ST7: variants seen among roughly 807,000 people sequenced by gnomAD.
ST7 encodes suppression of tumorigenicity 7, also known as suppressor of tumorigenicity 7 protein.
Under a neutral mutation model 78.7 loss-of-function variants are expected in ST7, and 28 were observed. The observed-to-expected ratio is 0.36, with a 90% confidence interval of 0.26 to 0.49. The LOEUF (loss-of-function observed/expected upper bound fraction) is 0.49, where lower values mean the gene tolerates loss of function less well. ST7 is among the 20% of genes least tolerant of loss of function. The pLI is 0.99. For synonymous variants in ST7, 247 were observed against 249.6 expected, an observed-to-expected ratio of 0.99 and a Z score of 0.10; for missense variants, 418 against 696.0, an observed-to-expected ratio of 0.60 and a Z score of 4.49.
intron 15 of ST7, among the ~76,000 whole-genome samples, chr7:117,227,340 C>T (rs1177173170): frequency 6.6e-6 from 1 of 152,168 alleles, no homozygotes; most frequent in Non-Finnish European, 1.5e-5. Flanking sequence ...AGTTCTAAAT[C>T]TGTTTTTGGC....
chr7:117,078,975 G>A (rs1486068500), intron 1 of ST7, among the ~76,000 whole-genome samples: 2 of 152,048 alleles, frequency 1.3e-5, no homozygotes, highest in Non-Finnish European at 2.9e-5. Context: ...AAATCTATGT[G>A]TTATTCATAT....
At chr7:117,159,006 C>T (rs954660710) in intron 9 of ST7, among the ~76,000 whole-genome samples, 14 of 152,286 alleles carry the variant, frequency 9.2e-5, no homozygotes, top group African/African-American at 3.4e-4. Context: ...CTTTTAGTTA[C>T]CTCTGCCTTA....
At chr7:117,061,270 G>A (rs1798340450) in intron 1 of ST7, among the ~76,000 whole-genome samples, 1 of 152,156 alleles carries the variant, frequency 6.6e-6, no homozygotes, top group Non-Finnish European at 1.5e-5. Context: ...TTTTCCTGCA[G>A]TCTTAACCAC....
Position 117,209,799 on chromosome 7 carries a change from A to G in ST7, c.1267A>G (p.Met423Val). The stretch of plus-strand genomic sequence containing the variant: ...TTTTTTATTTCAGTACCTACTAGAA[A>G]TGAAAAGCTTAATCCTACCCCCAGA... ...NPHVPKYLLE[M>V]KSLILPPEHI... The change falls in exon 13 of 16, where the codon ATG becomes GTG. Residue 423 changes from methionine (M) to valine (V), a missense_variant. Physicochemically the swap from Met to Val is conservative, Grantham distance 21. Around this residue, in one of 4 missense-constraint regions of ST7, gnomAD observed 288 missense variants for 537.1 expected, o/e 0.54. Coordinates refer to ENST00000323984, the MANE Select transcript of ST7 (RefSeq NM_001369598.1). The G allele has an allele frequency of 6.2e-7, 1 of 1,613,512 alleles. No homozygotes were observed. The highest frequency in any genetic ancestry group is 8.5e-7 in the Non-Finnish European group (1 of 1,179,854).
chr7:117,007,804 A>G (rs1201672853), intron 1 of ST7, among the ~76,000 whole-genome samples: 3 of 151,684 alleles, frequency 2.0e-5, no homozygotes, highest in Non-Finnish European at 4.4e-5. Flanking sequence ...CCATTAAACA[A>G]CTCCCCATTT....
At chr7:117,017,876 A>C (rs947064825) in intron 1 of ST7, among the ~76,000 whole-genome samples, 2 of 152,170 alleles carry the variant, frequency 1.3e-5, no homozygotes, top group African/African-American at 4.8e-5. Context: ...AAATCTTCAT[A>C]GGAGTCAGAG....
chr7:117,205,235 G>A (rs1791640607), intron 12 of ST7, among the ~76,000 whole-genome samples: 1 of 151,986 alleles, frequency 6.6e-6, no homozygotes, highest in Non-Finnish European at 1.5e-5. Context: ...TTAATAATCT[G>A]CTATGTAAAT....
At chr7:117,112,427 A>T (rs940801397) in intron 2 of ST7, 1 of 152,074 alleles carries the variant, frequency 6.6e-6, no homozygotes, top group Non-Finnish European at 1.5e-5. Context: ...TATATTGCTA[A>T]GTAAAAACAG....
intron 3 of ST7, among the ~76,000 whole-genome samples, chr7:117,127,213 A>G (rs1322127880): frequency 1.3e-5 from 2 of 151,882 alleles, no homozygotes; most frequent in African/African-American, 4.8e-5. Flanking sequence ...CCTTAAAGGA[A>G]CACATAAGAA....
chr7:117,150,205 G>A (rs73211912), intron 9 of ST7, among the ~76,000 whole-genome samples: 5,545 of 152,244 alleles, frequency 0.036, 174 homozygotes, highest in East Asian at 0.14. Context: ...CTTAAACCCA[G>A]TCTTGTTCTC....
At chr7:117,033,306 A>T (rs1413947147) in intron 1 of ST7, among the ~76,000 whole-genome samples, 1 of 152,220 alleles carries the variant, frequency 6.6e-6, no homozygotes, top group Admixed American at 6.5e-5. Flanking sequence ...GGAAAAACTT[A>T]TTAAGTTTGG....
At chr7:117,218,232 CTTTTATA>C (rs2116139135) in intron 13 of ST7, among the ~76,000 whole-genome samples, 1 of 152,238 alleles carries the variant, frequency 6.6e-6, no homozygotes, top group East Asian at 1.9e-4. Context: ...TAGGGTAGAG[CTTTTATA>C]TTTTATATCT....
At chr7:117,097,908 A>ATT (rs751549285) in intron 1 of ST7, among the ~76,000 whole-genome samples, 33 of 30,016 alleles carry the variant, frequency 1.1e-3, no homozygotes, top group Middle Eastern at 0.031. Context: ...ATATATATAT[A>ATT]TTTTTTTTTT....
At chr7:116,953,802 C>T (rs1421651945) in intron 1 of ST7, 111 bp downstream of exon 1, 2 of 760,960 alleles carry the variant, frequency 2.6e-6, no homozygotes, top group African/African-American at 3.8e-5. Context: ...CGCCGGGGCC[C>T]GCGCACCGGA....
At chr7:116,968,829 G>A (rs1402738749) in intron 1 of ST7, among the ~76,000 whole-genome samples, 1 of 152,184 alleles carries the variant, frequency 6.6e-6, no homozygotes. Context: ...GAGAATATGA[G>A]AATGTGCATC....
chr7:117,002,639 C>CTGTGTGTGTGTG (rs140099821), intron 1 of ST7, among the ~76,000 whole-genome samples: 7 of 145,830 alleles, frequency 4.8e-5, no homozygotes, highest in Admixed American at 2.8e-4. Context: ...GTAGTTGAGG[C>CTGTGTGTGTGTG]TGTGTGTGTG....
intron 1 of ST7, chr7:117,014,964 A>G: frequency 1.5e-6 from 2 of 1,354,058 alleles, no homozygotes; most frequent in Non-Finnish European, 1.9e-6. Context: ...ATAGAGTTGT[A>G]CTTGGAAAAT....
At chr7:117,119,790 A>G in intron 3 of ST7, 70 bp downstream of exon 3, 1 of 1,516,598 alleles carries the variant, frequency 6.6e-7, no homozygotes, top group African/African-American at 1.4e-5. Context: ...TACTCATACT[A>G]AGAGATTAAG....
At chr7:117,028,387 G>C (rs1796310382) in intron 1 of ST7, among the ~76,000 whole-genome samples, 1 of 152,000 alleles carries the variant, frequency 6.6e-6, no homozygotes, top group African/African-American at 2.4e-5. Context: ...GCATATTTTG[G>C]GCAGTAGCAA....
Sources: gnomAD v4.1 joint callset for allele counts (sites outside exome capture counted in the v4.1 genomes callset) on GRCh38, gnomAD v4.1.1 for gene constraint, gnomAD v4.1.1 regional missense constraint, MANE v1.5 for transcripts, NCBI Gene and HGNC (gene_info 2026-07-23, HGNC 2026-07-21) for gene names.